The following RESF1 variants were observed in gnomAD, a reference collection of about 807,000 sequenced individuals.
RESF1 encodes the protein gonad expressed transcript.
Under a neutral mutation model 134.7 loss-of-function variants are expected in RESF1, and 65 were observed. The observed-to-expected ratio is 0.48, with a 90% CI of 0.40 to 0.59. RESF1 has a LOEUF of 0.59. Ranked by LOEUF, RESF1 falls within the 20% of genes least tolerant of loss-of-function variation. The pLI is 0.00. For missense variants in RESF1, 2,274 were observed against 2,002.7 expected (o/e 1.14, Z -2.59); for synonymous variants, 762 against 702.2 (o/e 1.09, Z -1.35).
intron 2 of RESF1, among the ~76,000 whole-genome samples, chr12:31,968,516 C>T (rs1218092880): frequency 1.3e-5 from 2 of 151,458 alleles, no homozygotes; most frequent in Non-Finnish European, 2.9e-5. Flanking sequence ...TGGCGCTATC[C>T]CGGCTCACTG....
At position 31,984,774 on chromosome 12, in the gene RESF1, A is replaced by G. The variant is rs1939920877; in HGVS notation, c.3819A>G (p.Glu1273=). The change falls in exon 4 of 6, where the codon GAA becomes GAG. Residue 1273 remains glutamate (E), a synonymous_variant. Transcript: ENST00000312561. ...AAAGCTTACCAAGGACAGAACAAGA[A>G]TTAGTTGCTGGTCAGTTTTCATCTA... The part of the protein sequence containing the change: ...KHKSLPRTEQ[E]LVAGQFSSKC... The G allele has an allele frequency of 6.2e-7, 1 of 1,612,172 alleles. No individual in the cohort carries two copies. The highest frequency in any genetic ancestry group is 1.1e-5 in the South Asian group (1 of 90,532).
intron 3 of RESF1, among the ~76,000 whole-genome samples, chr12:31,971,111 T>G (rs990828335): frequency 1.3e-5 from 2 of 152,244 alleles, no homozygotes; most frequent in African/African-American, 4.8e-5. Context: ...TTTTTTGTCT[T>G]AGTCTGTTTT....
chr12:31,987,568 G>A (rs1269291621), intron 5 of RESF1, among the ~76,000 whole-genome samples: 2 of 151,812 alleles, frequency 1.3e-5, no homozygotes, highest in Non-Finnish European at 2.9e-5. Flanking sequence ...TAGCTAAGAG[G>A]TTTGCATATT....
At chr12:31,976,389 T>C (rs1261084649) in intron 3 of RESF1, among the ~76,000 whole-genome samples, 2 of 152,248 alleles carry the variant, frequency 1.3e-5, no homozygotes, top group Non-Finnish European at 2.9e-5. Context: ...ACATGTATTA[T>C]ATGCTGTATT....
chr12:31,982,523 A>G lies in RESF1; in HGVS notation c.1568A>G (p.Lys523Arg), dbSNP rs201609076. ...RPMPDSSHDV[K>R]VLTSKTSAVE... Reference sequence around the variant, plus strand: ...ATGCCAGACTCATCTCATGATGTGAAAGTTCTCACTTCAAAGACATCAGCT... The same window carrying G: ...ATGCCAGACTCATCTCATGATGTGAGAGTTCTCACTTCAAAGACATCAGCT... The change falls in exon 4 of 6, where the codon AAA (lysine) becomes AGA (arginine). Residue 523 changes from lysine to arginine, a missense_variant. Lys to Arg is a conservative substitution (Grantham distance 26). Transcript: ENST00000312561. The G allele has an allele frequency of 6.2e-7, 1 of 1,613,686 alleles. No homozygotes were observed. Among genetic ancestry groups the G allele is most frequent in the Non-Finnish European group, 8.5e-7 (1 of 1,179,964 alleles).
chr12:31,983,982 T>C lies in RESF1; in HGVS notation c.3027T>C (p.Asp1009=), dbSNP rs373328927. The C allele has an allele frequency of 1.1e-5, 18 of 1,613,860 alleles. No homozygotes were observed. The African/African-American group carries it at 2.1e-4, about 19-fold the overall frequency. ...CCACTGAAAAAAGCACAGCTAACGA[T>C]ACGTGCTCGTCAGCTGCTATTCAGG... is the stretch of plus-strand genomic sequence containing the variant. ...EHATEKSTAN[D]TCSSAAIQED... The change falls in exon 4 of 6, where the codon GAT becomes GAC. Residue 1009 remains aspartate, a synonymous_variant. Transcript: ENST00000312561.
rs780173244 is a variant in RESF1, at chr12:31,985,019, A to G, written c.4064A>G (p.Gln1355Arg). The G allele has an allele frequency of 2.5e-6, 4 of 1,592,816 alleles. No homozygotes were observed. The Admixed American group carries it at 5.7e-5, about 23-fold the overall frequency. ...DVYKKHSSLG[Q>R]SLSPEKIKLK... ...TATAAGAAGCATAGTTCTTTGGGACAGTCATTATCACCAGAAAAGATAAAA... is the reference window on the plus strand; with the variant it reads ...TATAAGAAGCATAGTTCTTTGGGACGGTCATTATCACCAGAAAAGATAAAA... Residue 1355 changes from glutamine to arginine, a missense_variant, in exon 4 of 6, where the codon CAG becomes CGG. Physicochemically the swap from Gln to Arg is conservative, Grantham distance 43. Coordinates refer to ENST00000312561, the MANE Select transcript of RESF1 (RefSeq NM_018169.4).
At chr12:31,970,922 T>G (rs1448369718) in intron 3 of RESF1, among the ~76,000 whole-genome samples, 2 of 152,180 alleles carry the variant, frequency 1.3e-5, no homozygotes, top group Non-Finnish European at 2.9e-5. Context: ...TCCAGAACAC[T>G]TTGAACTCTG....
rs753136809 is a variant in RESF1 at position 31,985,835 on chromosome 12, C to G, written c.4880C>G (p.Thr1627Arg). ...HKTFLPVKGN[T>R]EKSNMLEFKL... ...ACCTTTTTACCGGTGAAAGGTAACA[C>G]AGAAAAATCAAACATGCTGGAGTTT... The change falls in exon 4 of 6, where the codon ACA becomes AGA. Residue 1627 changes from threonine to arginine, a missense_variant. Thr to Arg is a moderately conservative substitution (Grantham distance 71). Coordinates refer to ENST00000312561, the MANE Select transcript of RESF1 (RefSeq NM_018169.4). The G allele has an allele frequency of 1.9e-6, 3 of 1,564,750 alleles. No homozygotes were observed. The highest frequency in any genetic ancestry group is 2.4e-5 in the South Asian group (2 of 82,388).
chr12:31,971,959 T>C (rs58883969), intron 3 of RESF1, among the ~76,000 whole-genome samples: 22,853 of 152,106 alleles, frequency 0.15, 1,943 homozygotes, highest in African/African-American at 0.23. Context: ...TGATCACCAA[T>C]AGCCAATGGT....
Position 31,983,946 on chromosome 12 carries a change from T to C in RESF1, c.2991T>C (p.Ser997=). Reference sequence around the variant, plus strand: ...ACAGAGTTATTCTAGAGAAAAGTAGTTTGGAGCATGCCACTGAAAAAAGCA... The same window carrying C: ...ACAGAGTTATTCTAGAGAAAAGTAGCTTGGAGCATGCCACTGAAAAAAGCA... ...ETNRVILEKS[S]LEHATEKSTA... The change falls in exon 4 of 6, where the codon AGT becomes AGC. Residue 997 remains serine, a synonymous_variant. Coordinates refer to ENST00000312561, the MANE Select transcript of RESF1 (RefSeq NM_018169.4). 6.2e-7 allele frequency: 1 copy of C among 1,613,872 alleles called. No homozygotes were observed. Among genetic ancestry groups the C allele is most frequent in the Non-Finnish European group, 8.5e-7 (1 of 1,179,948 alleles).
At position 31,983,257 on chromosome 12, in the gene RESF1, CTG is replaced by C; in HGVS notation, c.2304_2305del (p.Ser769ArgfsTer17). ...GATAGCTGTAGTGTCACCGTTAGTT[CTG>C]TCAGAGGTCAAAACATTGTCTGTCA... is the stretch of plus-strand genomic sequence containing the variant. ...LQIAVVSPLV[L>X]SEVKTLSVKG... On this transcript the variant is annotated frameshift_variant, in exon 4 of 6. Coordinates refer to ENST00000312561, the MANE Select transcript of RESF1 (RefSeq NM_018169.4). LOFTEE classifies it high-confidence loss of function. 6.2e-7 allele frequency: 1 copy of C among 1,612,192 alleles called. No homozygotes were observed. Among genetic ancestry groups the C allele is most frequent in the Non-Finnish European group, 8.5e-7 (1 of 1,179,048 alleles).
rs1939915962 is a variant in RESF1, at chr12:31,984,667, C to T, written c.3712C>T (p.Pro1238Ser). The T allele has an allele frequency of 6.3e-7, 1 of 1,582,682 alleles. No individual in the cohort carries two copies. The highest frequency in any genetic ancestry group is 8.5e-7 in the Non-Finnish European group (1 of 1,171,442). Residue 1238 changes from proline to serine, a missense_variant, in exon 4 of 6, where the codon CCA (proline) becomes TCA (serine). Physicochemically the swap from Pro to Ser is moderately conservative, Grantham distance 74 (BLOSUM62 -1). Coordinates refer to ENST00000312561, the MANE Select transcript of RESF1 (RefSeq NM_018169.4). ...TCAATTTAAGAGCCTTGTAAATAATCCAAAGACTCCTCCAGATGGGAAAAG... is the reference window on the plus strand; with the variant it reads ...TCAATTTAAGAGCCTTGTAAATAATTCAAAGACTCCTCCAGATGGGAAAAG... ...VVQFKSLVNNPKTPPDGKSHF... is the reference protein window; with the variant it reads ...VVQFKSLVNNSKTPPDGKSHF...
chr12:31,960,184 C>T (rs1417212310), intron 1 of RESF1, among the ~76,000 whole-genome samples: 1 of 152,168 alleles, frequency 6.6e-6, no homozygotes, highest in African/African-American at 2.4e-5. Flanking sequence ...CACGGATTCC[C>T]TAAGCAAACG....
In RESF1 at chr12:31,980,998, C is replaced by T; in HGVS notation, c.43C>T (p.Leu15=). Residue 15 remains leucine (L), a synonymous_variant, in exon 4 of 6, where the codon CTG becomes TTG. Transcript: ENST00000312561. ...EKPKSATLPP[L]YPKSQPPFLH... ...ACCAAAGAGTGCTACATTACCACCA[C>T]TGTATCCTAAAAGCCAGCCACCTTT... 6.2e-7 allele frequency: 1 copy of T among 1,613,596 alleles called. No homozygotes were observed. The highest frequency in any genetic ancestry group is 8.5e-7 in the Non-Finnish European group (1 of 1,179,750).
In RESF1 at chr12:31,983,497, T is replaced by G. The variant is rs745944281; in HGVS notation, c.2542T>G (p.Ser848Ala). The G allele has an allele frequency of 6.2e-7, 1 of 1,614,086 alleles. No homozygotes were observed. The highest frequency in any genetic ancestry group is 1.7e-5 in the Admixed American group (1 of 60,016). ...EKQNESTNGN[S>A]EVTPNVNQGK... ...GCAGAATGAGTCAACTAATGGTAAT[T>G]CAGAAGTCACACCTAATGTCAATCA... The change falls in exon 4 of 6, where the codon TCA becomes GCA. Residue 848 changes from serine to alanine, a missense_variant. Physicochemically the swap from Ser to Ala is moderately conservative, Grantham distance 99 (BLOSUM62 1). Coordinates refer to ENST00000312561, the MANE Select transcript of RESF1 (RefSeq NM_018169.4).
chr12:31,968,863 T>C (rs1478721822), intron 2 of RESF1, among the ~76,000 whole-genome samples: 1 of 152,266 alleles, frequency 6.6e-6, no homozygotes, highest in Non-Finnish European at 1.5e-5. Flanking sequence ...AAGACTTTTA[T>C]GCCTGTCGTA....
chr12:31,983,670 C>T lies in RESF1; in HGVS notation c.2715C>T (p.Tyr905=), dbSNP rs774642389. Residue 905 remains tyrosine, a synonymous_variant, in exon 4 of 6, where the codon TAC becomes TAT. Transcript: ENST00000312561. ...ICSLVEGDTS[Y]NSQIAKIFSS... is the part of the protein sequence containing the mutation. ...CTCTGGTTGAAGGTGATACCTCTTACAATTCCCAAATAGCAAAGATATTCA... is the reference window on the plus strand; with the variant it reads ...CTCTGGTTGAAGGTGATACCTCTTATAATTCCCAAATAGCAAAGATATTCA... The T allele has an allele frequency of 1.7e-5, 27 of 1,613,946 alleles. No individual in the cohort carries two copies. In the South Asian group the frequency reaches 2.7e-4, roughly 16 times the overall value.
chr12:31,983,877 G>C lies in RESF1; in HGVS notation c.2922G>C (p.Lys974Asn). ...CACATAAAATATGTGATCAGTCAAA[G>C]TCAGAGCCACCCTTAGAGTCATCTT... ...DVSHKICDQS[K>N]SEPPLESSFN... Residue 974 changes from lysine (K) to asparagine (N), a missense_variant, in exon 4 of 6, where the codon AAG becomes AAC. Lys to Asn is a moderately conservative substitution (Grantham distance 94). Transcript: ENST00000312561. 1 of 1,613,738 alleles carries C rather than the reference G, an allele frequency of 6.2e-7. No homozygotes were observed.
Sources: gnomAD v4.1 joint callset for allele counts (sites outside exome capture counted in the v4.1 genomes callset) on GRCh38, gnomAD v4.1.1 for gene constraint, MANE v1.5 for transcripts, NCBI Gene and HGNC (gene_info 2026-07-23, HGNC 2026-07-21) for gene names.